Variants in ANO3 observed in about 807,000 individuals in gnomAD.
ANO3 encodes anoctamin 3.
In ANO3, 99 loss-of-function variants were observed where a neutral mutation model predicts 144.8. The observed-to-expected ratio is 0.68, with a 90% CI of 0.58 to 0.81. ANO3 has a LOEUF of 0.81. Ranked by LOEUF, ANO3 falls within the 30% of genes least tolerant of loss-of-function variation. The probability of loss-of-function intolerance (pLI) is 0.00; values close to 1 mark genes in which losing one functional copy is unlikely to be tolerated. For missense variants in ANO3, 905 were observed against 1,202.2 expected, an observed-to-expected ratio of 0.75 and a Z score of 3.66; for synonymous variants, 414 against 392.6, an observed-to-expected ratio of 1.05 and a Z score of -0.64.
chr11:26,317,937 G>A (rs985570632), intron 1 of ANO3, among the ~76,000 whole-genome samples: 19 of 152,156 alleles, frequency 1.2e-4, no homozygotes, highest in Non-Finnish European at 2.6e-4. Context: ...CATAAAAAAG[G>A]ATGAGTTCAT....
intron 1 of ANO3, among the ~76,000 whole-genome samples, chr11:26,354,754 A>G (rs868225568): frequency 4.6e-5 from 7 of 152,148 alleles, no homozygotes; most frequent in African/African-American, 7.2e-5. Flanking sequence ...TTGTTTCCTC[A>G]GTAAATAAGT....
chr11:26,261,135 A>G (rs1285884156), intron 1 of ANO3, among the ~76,000 whole-genome samples: 2 of 152,200 alleles, frequency 1.3e-5, no homozygotes. Flanking sequence ...GGGGCCTGAA[A>G]TAGCTTTTAA....
intron 9 of ANO3, among the ~76,000 whole-genome samples, chr11:26,534,879 G>A (rs1238683965): frequency 6.6e-6 from 1 of 152,078 alleles, no homozygotes; most frequent in Non-Finnish European, 1.5e-5. Context: ...TGCTCATCAT[G>A]GGCTTGTTTG....
intron 1 of ANO3, among the ~76,000 whole-genome samples, chr11:26,283,321 A>AATATATATATATATATATAT (rs58419788): frequency 3.1e-4 from 15 of 49,126 alleles, no homozygotes; most frequent in Admixed American, 6.8e-4. Context: ...CAAATAAATA[A>AATATATATATATATATATAT]ATATATATAT....
intron 14 of ANO3, among the ~76,000 whole-genome samples, chr11:26,572,645 G>C (rs1333231302): frequency 2.0e-5 from 3 of 152,130 alleles, no homozygotes; most frequent in Non-Finnish European, 4.4e-5. Context: ...GGGGTCAGTA[G>C]TGAGGCGTCT....
intron 1 of ANO3, among the ~76,000 whole-genome samples, chr11:26,429,048 C>T (rs917270437): frequency 6.6e-6 from 1 of 152,138 alleles, no homozygotes; most frequent in African/African-American, 2.4e-5. Flanking sequence ...TGAGAAGTCA[C>T]GGTAGTGCCA....
intron 1 of ANO3, among the ~76,000 whole-genome samples, chr11:26,313,205 C>T (rs934999373): frequency 1.3e-5 from 2 of 152,110 alleles, no homozygotes; most frequent in Non-Finnish European, 2.9e-5. Context: ...TTTCTTAGGA[C>T]ATGTGTCCAT....
chr11:26,558,206 C>A (rs1014793361), intron 13 of ANO3, among the ~76,000 whole-genome samples: 2 of 152,102 alleles, frequency 1.3e-5, no homozygotes, highest in Non-Finnish European at 2.9e-5. Flanking sequence ...TCATGCAACA[C>A]AATTGCTACT....
At chr11:26,282,962 T>G (rs189453836) in intron 1 of ANO3, among the ~76,000 whole-genome samples, 1 of 152,262 alleles carries the variant, frequency 6.6e-6, no homozygotes, top group Admixed American at 6.5e-5. Context: ...TTATTTTTCT[T>G]ACATTTAGAC....
intron 1 of ANO3, among the ~76,000 whole-genome samples, chr11:26,283,343 T>C (rs1479628336): frequency 1.1e-5 from 1 of 87,978 alleles, no homozygotes. Flanking sequence ...TATATATATA[T>C]ATATATATAT....
chr11:26,395,022 A>C (rs1856973301), intron 1 of ANO3, among the ~76,000 whole-genome samples: 1 of 152,146 alleles, frequency 6.6e-6, no homozygotes, highest in Non-Finnish European at 1.5e-5. Flanking sequence ...ATATTATGGG[A>C]CCTGACCCCT....
intron 4 of ANO3, among the ~76,000 whole-genome samples, chr11:26,500,447 T>A (rs1378822351): frequency 6.6e-6 from 1 of 152,082 alleles, no homozygotes; most frequent in Non-Finnish European, 1.5e-5. Context: ...TTTCTCCATA[T>A]CCTCGTCAAT....
At chr11:26,660,071 C>A (rs1029634098) in intron 26 of ANO3, among the ~76,000 whole-genome samples, 191 bp from the exon 27 acceptor site, 4 of 151,994 alleles carry the variant, frequency 2.6e-5, no homozygotes, top group Middle Eastern at 3.2e-3. Flanking sequence ...TTTGTTTTGT[C>A]CTAATACTTA....
chr11:26,391,637 C>G (rs1856882262), intron 1 of ANO3, among the ~76,000 whole-genome samples: 1 of 151,882 alleles, frequency 6.6e-6, no homozygotes. Flanking sequence ...TTTAAGAAAC[C>G]CCTCTCTTCT....
At chr11:26,629,300 G>A (rs1029963864) in intron 18 of ANO3, among the ~76,000 whole-genome samples, 3 of 151,998 alleles carry the variant, frequency 2.0e-5, no homozygotes, top group African/African-American at 2.4e-5. Context: ...ATCAGAGCTC[G>A]CCTCTGTGAA....
intron 1 of ANO3, among the ~76,000 whole-genome samples, chr11:26,189,494 C>G (rs1286051057): frequency 6.6e-6 from 1 of 152,036 alleles, no homozygotes; most frequent in Non-Finnish European, 1.5e-5. Flanking sequence ...TATAAATAGA[C>G]TTTTGAAATA....
intron 14 of ANO3, among the ~76,000 whole-genome samples, chr11:26,586,751 C>G (rs1226067789): frequency 6.8e-6 from 1 of 147,980 alleles, no homozygotes; most frequent in Admixed American, 7.0e-5. Flanking sequence ...ATCCACTTGA[C>G]TCGGCCTCCC....
chr11:26,266,475 C>CG (rs1853310073), intron 1 of ANO3, among the ~76,000 whole-genome samples: 1 of 149,366 alleles, frequency 6.7e-6, no homozygotes, highest in Non-Finnish European at 1.5e-5. Flanking sequence ...ACTCTGTTTC[C>CG]CAGGCTGGAG....
At chr11:26,544,028 G>A (rs537319880) in intron 11 of ANO3, among the ~76,000 whole-genome samples, 1 of 151,516 alleles carries the variant, frequency 6.6e-6, no homozygotes, top group Non-Finnish European at 1.5e-5. Context: ...ATGCAGATGG[G>A]AGAATTATTT....
Sources: gnomAD v4.1 joint callset for allele counts (sites outside exome capture counted in the v4.1 genomes callset) on GRCh38, gnomAD v4.1.1 for gene constraint, MANE v1.5 for transcripts, NCBI Gene and HGNC (gene_info 2026-07-23, HGNC 2026-07-21) for gene names.